The following NBAS variants were observed in gnomAD, a reference collection of about 807,000 sequenced individuals.
NBAS encodes the protein NBAS subunit of NRZ tethering complex.
In NBAS, 219 loss-of-function variants were observed where a neutral mutation model predicts 302.5. The observed-to-expected ratio is 0.72, with a 90% CI of 0.65 to 0.81. NBAS has a LOEUF of 0.81. Among genes scored for constraint, NBAS ranks in the 30% least tolerant of loss-of-function variants. The pLI, the probability that NBAS is intolerant of heterozygous loss-of-function variation, is 0.00. For synonymous variants in NBAS, 1,118 were observed against 1,021.6 expected, an observed-to-expected ratio of 1.09 and a Z score of -1.80; for missense variants, 2,932 against 2,841.6, an observed-to-expected ratio of 1.03 and a Z score of -0.72.
the NBAS span, among the ~76,000 whole-genome samples, chr2:15,077,470 G>A: frequency 3.9e-5 from 6 of 152,166 alleles, no homozygotes; most frequent in Non-Finnish European, 8.8e-5. Flanking sequence ...CATTTGCTGG[G>A]CACTGAGAAT....
intron 16 of NBAS, among the ~76,000 whole-genome samples, chr2:15,470,007 TA>T (rs199917557): frequency 0.012 from 1,870 of 149,634 alleles, 36 homozygotes; most frequent in African/African-American, 0.043. Flanking sequence ...AAATAAAAAA[TA>T]AAAAAAAAAT....
At chr2:15,209,315 AG>A (rs370922582) in intron 48 of NBAS, among the ~76,000 whole-genome samples, 197 of 152,288 alleles carry the variant, frequency 1.3e-3, no homozygotes, top group African/African-American at 4.4e-3. Flanking sequence ...CTCCCAGTAA[AG>A]AAAAATCTGG....
the NBAS span, among the ~76,000 whole-genome samples, chr2:15,095,539 G>C: frequency 9.9e-5 from 15 of 152,206 alleles, no homozygotes; most frequent in Admixed American, 3.3e-4. Flanking sequence ...AATTATGGGA[G>C]TAAAGTTCAA....
At chr2:15,334,435 G>A (rs1672487707) in intron 35 of NBAS, among the ~76,000 whole-genome samples, 2 of 151,968 alleles carry the variant, frequency 1.3e-5, no homozygotes, top group South Asian at 2.1e-4. Flanking sequence ...TGATCCGCCC[G>A]CCTCGGCCTC....
chr2:15,372,826 T>A (rs1035124594), intron 31 of NBAS, among the ~76,000 whole-genome samples: 3 of 152,134 alleles, frequency 2.0e-5, no homozygotes, highest in Non-Finnish European at 2.9e-5. Flanking sequence ...CAGCAAAAAA[T>A]CCTGCTAATT....
Position 15,383,327 on chromosome 2 carries a change from C to T in NBAS, c.3258-10G>A. 1 of 1,609,798 alleles carries T rather than the reference C, an allele frequency of 6.2e-7. No individual in the cohort carries two copies. The highest frequency in any genetic ancestry group is 8.5e-7 in the Non-Finnish European group (1 of 1,176,240). ...ACTGACAGGAGGCTGCCTGGAAAAA[C>T]ACATAAAAAAGACAAGGAAGAGGGA... On this transcript the variant is annotated splice_polypyrimidine_tract_variant and intron_variant, in intron 28 of 51. Coordinates refer to ENST00000281513, the MANE Select transcript of NBAS (RefSeq NM_015909.4).
chr2:15,107,042 C>T, the NBAS span, among the ~76,000 whole-genome samples: 1 of 152,204 alleles, frequency 6.6e-6, no homozygotes, highest in South Asian at 2.1e-4. Context: ...GCAAGCAGGG[C>T]AGCCTTCTCT....
At chr2:14,920,997 T>G in the NBAS span, among the ~76,000 whole-genome samples, 1 of 152,016 alleles carries the variant, frequency 6.6e-6, no homozygotes, top group African/African-American at 2.4e-5. Flanking sequence ...TGCCCTAAAA[T>G]AGGTGCAAGA....
chr2:15,451,602 G>C (rs1443977040), intron 21 of NBAS, among the ~76,000 whole-genome samples: 1 of 151,966 alleles, frequency 6.6e-6, no homozygotes, highest in African/African-American at 2.4e-5. Flanking sequence ...GAATCAATTT[G>C]ACCTAAATCA....
the NBAS span, among the ~76,000 whole-genome samples, chr2:14,791,841 T>A: frequency 1.3e-5 from 2 of 150,206 alleles, no homozygotes; most frequent in East Asian, 1.9e-4. Flanking sequence ...AATAAATAAA[T>A]AAAATGGGCC....
At chr2:15,400,788 C>A (rs80315915) in intron 26 of NBAS, among the ~76,000 whole-genome samples, 2 of 152,144 alleles carry the variant, frequency 1.3e-5, no homozygotes, top group African/African-American at 4.8e-5. Flanking sequence ...TGCCTCCCCA[C>A]GGCCCCACAT....
intron 44 of NBAS, among the ~76,000 whole-genome samples, chr2:15,245,465 C>T (rs1002467476): frequency 1.3e-5 from 2 of 152,198 alleles, no homozygotes; most frequent in African/African-American, 4.8e-5. Context: ...ATGGCACTCT[C>T]TCCACCTCTT....
the NBAS span, among the ~76,000 whole-genome samples, chr2:14,808,383 G>T: frequency 3.3e-5 from 5 of 152,168 alleles, no homozygotes; most frequent in Admixed American, 3.3e-4. Flanking sequence ...ACCTCATCTT[G>T]TAGCTCCCAT....
chr2:15,417,841 C>T (rs1187304092), intron 23 of NBAS, 129 bp from the exon 24 acceptor site: 15 of 876,312 alleles, frequency 1.7e-5, no homozygotes, highest in African/African-American at 6.8e-5. Flanking sequence ...CAGTAACATA[C>T]GTTTTTTATT....
At chr2:15,455,006 G>T (rs1262463352) in intron 21 of NBAS, among the ~76,000 whole-genome samples, 1 of 151,660 alleles carries the variant, frequency 6.6e-6, no homozygotes, top group Non-Finnish European at 1.5e-5. Context: ...GGGTTCAAGC[G>T]ATTCTCCTGC....
At chr2:14,871,715 G>T in the NBAS span, among the ~76,000 whole-genome samples, 1 of 151,982 alleles carries the variant, frequency 6.6e-6, no homozygotes, top group Non-Finnish European at 1.5e-5. Context: ...TTACATAAAA[G>T]TAGACTGTGT....
the NBAS span, among the ~76,000 whole-genome samples, chr2:15,034,026 A>AGAAGAAGAAGAAGGAG: frequency 2.0e-5 from 1 of 50,076 alleles, no homozygotes; most frequent in Non-Finnish European, 3.6e-5. Flanking sequence ...AAGAAGAAGA[A>AGAAGAAGAAGAAGGAG]GAGGAGGAGG....
intron 45 of NBAS, among the ~76,000 whole-genome samples, chr2:15,236,134 G>A (rs1667580151): frequency 6.6e-6 from 1 of 152,036 alleles, no homozygotes; most frequent in Admixed American, 6.5e-5. Context: ...TTCCTATTAT[G>A]GGCCATCCAT....
intron 16 of NBAS, among the ~76,000 whole-genome samples, chr2:15,469,950 A>G (rs988204010): frequency 6.6e-6 from 1 of 152,054 alleles, no homozygotes; most frequent in Admixed American, 6.5e-5. Context: ...ACAAACCTGC[A>G]CGTTGTGCAC....
Sources: allele counts gnomAD v4.1 joint callset (sites outside exome capture counted in the v4.1 genomes callset), GRCh38; gene constraint gnomAD v4.1.1; transcripts MANE v1.5; gene names NCBI Gene and HGNC (gene_info 2026-07-23, HGNC 2026-07-21).